The following C15orf39 variants were observed in gnomAD, a reference collection of about 807,000 sequenced individuals.
C15orf39 encodes the protein PRMT2 interacting protein, also known as uncharacterized protein C15orf39.
C15orf39 carries 24 observed loss-of-function variants against 53.9 expected under a neutral mutation model. That is an observed-to-expected ratio of 0.45 (90% CI 0.32 to 0.63). The LOEUF is 0.63. Ranked by LOEUF, C15orf39 falls within the 20% of genes least tolerant of loss-of-function variation. C15orf39 has a pLI of 0.04. For synonymous variants in C15orf39, 569 were observed against 576.5 expected (o/e 0.99, Z 0.19); for missense variants, 1,271 against 1,347.9 (o/e 0.94, Z 0.89).
chr15:75,201,543 A>AGGAGC (rs1433836123), upstream of C15orf39, among the ~76,000 whole-genome samples: 1 of 152,258 alleles, frequency 6.6e-6, no homozygotes, highest in East Asian at 1.9e-4. This position sits in a 1 kb window ranked among gnomAD's most constrained non-coding sequence, Gnocchi z 4.7. Flanking sequence ...CACCGCTATG[A>AGGAGC]GGAAGACAGA....
In C15orf39 at chr15:75,208,380, A is replaced by G. The variant is rs1336856188; in HGVS notation, c.2332A>G (p.Ile778Val). 2.5e-6 allele frequency: 4 copies of G among 1,599,660 alleles called. No individual in the cohort carries two copies. Among genetic ancestry groups the G allele is most frequent in the Admixed American group, 3.4e-5 (2 of 58,020 alleles). The change falls in exon 2 of 3, where the codon ATT (isoleucine) becomes GTT (valine). Residue 778 changes from isoleucine to valine, a missense_variant. By Grantham distance (29) the Ile-to-Val change is conservative. Around this residue, in one of 2 missense-constraint regions of C15orf39, gnomAD observed 994 missense variants for 993.7 expected, o/e 1.00. Coordinates refer to ENST00000394987, the MANE Select transcript of C15orf39 (RefSeq NM_015492.5). ...TGLHASLCDA[I>V]SGSVAHSPPE... ...ACTACATGCGTCCCTGTGTGATGCT[A>G]TTTCTGGCTCCGTCGCCCACTCTCC...
At position 75,207,267 on chromosome 15, in the gene C15orf39, G is replaced by T; in HGVS notation, c.1219G>T (p.Val407Leu). Residue 407 changes from valine (V) to leucine (L), a missense_variant, in exon 2 of 3, where the codon GTG (valine) becomes TTG (leucine). By Grantham distance (32) the Val-to-Leu change is conservative. Coordinates refer to ENST00000394987, the MANE Select transcript of C15orf39 (RefSeq NM_015492.5). Reference sequence around the variant, plus strand: ...ACCTTCCCAGAACAATGTGCGGGCTGTGCCACAGCCTGGTGCCTTCCAGAG... The same window carrying T: ...ACCTTCCCAGAACAATGTGCGGGCTTTGCCACAGCCTGGTGCCTTCCAGAG... ...TPPSQNNVRA[V>L]PQPGAFQRAC... 6.2e-7 allele frequency: 1 copy of T among 1,613,544 alleles called. No homozygotes were observed. Among genetic ancestry groups the T allele is most frequent in the African/African-American group, 1.3e-5 (1 of 75,004 alleles).
At chr15:75,199,330 T>C (rs991557506), upstream of C15orf39, among the ~76,000 whole-genome samples, 1 of 151,856 alleles carries the variant, frequency 6.6e-6, no homozygotes, top group African/African-American at 2.4e-5. Flanking sequence ...AATGAGGAAA[T>C]AGAGGGCAGA....
chr15:75,209,147 G>T, intron 2 of C15orf39: 1 of 344,356 alleles, frequency 2.9e-6, no homozygotes, highest in Non-Finnish European at 5.4e-6. Context: ...AGTGTTTCCG[G>T]CACTCTGGTT....
intron 1 of C15orf39, among the ~76,000 whole-genome samples, chr15:75,205,545 C>T (rs2070431398): frequency 6.6e-6 from 1 of 152,042 alleles, no homozygotes; most frequent in African/African-American, 2.4e-5. Context: ...GGGTCAGGAG[C>T]AGTAGGTGGT....
rs2070454017 is a variant in C15orf39 at position 75,208,038 on chromosome 15, G to A, written c.1990G>A (p.Ala664Thr). 1 of 1,614,068 alleles carries A rather than the reference G, an allele frequency of 6.2e-7. No homozygotes were observed. Among genetic ancestry groups the A allele is most frequent in the Admixed American group, 1.7e-5 (1 of 60,034 alleles). ...FKILRPAPLP[A>T]AVVPSTPTSA... ...GATCCTCCGTCCGGCACCTTTGCCT[G>A]CAGCCGTGGTCCCGTCCACGCCCAC... Residue 664 changes from alanine (A) to threonine (T), a missense_variant, in exon 2 of 3, where the codon GCA (alanine) becomes ACA (threonine). Around this residue, in one of 2 missense-constraint regions of C15orf39, gnomAD observed 994 missense variants for 993.7 expected, o/e 1.00. Transcript: ENST00000394987.
chr15:75,207,078 C>A lies in C15orf39; in HGVS notation c.1030C>A (p.Pro344Thr), dbSNP rs1188814881. 3.7e-6 allele frequency: 6 copies of A among 1,612,148 alleles called. No individual in the cohort carries two copies. In the East Asian group the frequency reaches 1.3e-4, roughly 36 times the overall value. The change falls in exon 2 of 3, where the codon CCC becomes ACC. Residue 344 changes from proline (P) to threonine (T), a missense_variant. Coordinates refer to ENST00000394987, the MANE Select transcript of C15orf39 (RefSeq NM_015492.5). ...YIPPLGLDAY[P>T]YPSAPLPAPS... is the part of the protein sequence containing the mutation. ...TCCCCCACTGGGGCTGGACGCTTAC[C>A]CCTACCCCTCTGCCCCTCTCCCAGC... is the stretch of plus-strand genomic sequence containing the variant.
In C15orf39 at chr15:75,207,427, C is replaced by T. The variant is rs553765076; in HGVS notation, c.1379C>T (p.Pro460Leu). Residue 460 changes from proline to leucine, a missense_variant, in exon 2 of 3, where the codon CCG becomes CTG. Physicochemically the swap from Pro to Leu is moderately conservative, Grantham distance 98. Transcript: ENST00000394987. ...CCCCGGCTCAGTGAGCACTCTGGGC[C>T]GCCCATCGTCATCCGAGACAGTCCA... Reference protein sequence around the residue: ...LQPRLSEHSGPPIVIRDSPVP... With the variant: ...LQPRLSEHSGLPIVIRDSPVP... The T allele has an allele frequency of 5.2e-5, 84 of 1,613,476 alleles. 1 individual carries two copies. The highest frequency in any genetic ancestry group is 4.9e-4 in the South Asian group (45 of 91,076).
intron 1 of C15orf39, among the ~76,000 whole-genome samples, chr15:75,205,107 TG>T (rs1467481575): frequency 6.6e-6 from 1 of 152,190 alleles, no homozygotes; most frequent in Non-Finnish European, 1.5e-5. Context: ...CCTAGGGACC[TG>T]GGCTGGAGGC....
Position 75,206,139 on chromosome 15 carries a change from C to T in C15orf39, c.91C>T (p.Leu31=). 1 of 1,613,990 alleles carries T rather than the reference C, an allele frequency of 6.2e-7. No individual in the cohort carries two copies. The highest frequency in any genetic ancestry group is 8.5e-7 in the Non-Finnish European group (1 of 1,179,966). Reference sequence around the variant, plus strand: ...GACAGACTCCGGGCTCGAGCACAGCCTGCCCCACTCTGTTGGTAACCAGGA... The same window carrying T: ...GACAGACTCCGGGCTCGAGCACAGCTTGCCCCACTCTGTTGGTAACCAGGA... ...LETDSGLEHS[L]PHSVGNQDPC... Residue 31 remains leucine (L), a synonymous_variant, in exon 2 of 3, where the codon CTG becomes TTG. Coordinates refer to ENST00000394987, the MANE Select transcript of C15orf39 (RefSeq NM_015492.5).
rs1325308986 is a variant in C15orf39, at chr15:75,208,841, C to T, written c.2776+17C>T. On this transcript the variant is annotated intron_variant, in intron 2 of 2. Coordinates refer to ENST00000394987, the MANE Select transcript of C15orf39 (RefSeq NM_015492.5). ...GCCAGCTGGGTGAGCATGGGGCAGC[C>T]CCAGTGGCCACCGGAGCTGTGTGAG... 3 of 1,573,162 alleles carry T rather than the reference C, an allele frequency of 1.9e-6. No homozygotes were observed. Among genetic ancestry groups the T allele is most frequent in the East Asian group, 2.2e-5 (1 of 44,446 alleles).
chr15:75,199,732 G>C (rs577914102), upstream of C15orf39, among the ~76,000 whole-genome samples: 2 of 152,262 alleles, frequency 1.3e-5, no homozygotes, highest in African/African-American at 2.4e-5. Flanking sequence ...GTAGTGGTAG[G>C]GGTGGGGTGG....
At chr15:75,203,164 C>G (rs921377693) in intron 1 of C15orf39, among the ~76,000 whole-genome samples, 13 of 152,246 alleles carry the variant, frequency 8.5e-5, no homozygotes, top group Admixed American at 3.9e-4. Context: ...CGCTCTTCTT[C>G]CTGGTCTTTG....
chr15:75,200,618 C>G (rs1210532768), upstream of C15orf39, among the ~76,000 whole-genome samples: 1 of 152,140 alleles, frequency 6.6e-6, no homozygotes, highest in East Asian at 1.9e-4. Flanking sequence ...CCTAGCTGTC[C>G]GCGCGCAGAT....
At position 75,208,208 on chromosome 15, in the gene C15orf39, C is replaced by A. The variant is rs767973543; in HGVS notation, c.2160C>A (p.Ala720=). Residue 720 remains alanine (A), a synonymous_variant, in exon 2 of 3, where the codon GCC becomes GCA. Transcript: ENST00000394987. ...CAGCCGTAGCTGTGGCCTCCCCTGC[C>A]CCTGCTCCAGCTCCATCCCCTGCTC... ...SPPAVAVASP[A]PAPAPSPAPA... 63 of 1,613,622 alleles carry A rather than the reference C, an allele frequency of 3.9e-5. No homozygotes were observed. In the Middle Eastern group the frequency reaches 1.2e-3, roughly 29 times the overall value.
intron 2 of C15orf39, chr15:75,209,050 TC>T: frequency 1.4e-6 from 1 of 716,186 alleles, no homozygotes; most frequent in Non-Finnish European, 2.1e-6. Context: ...AGCTGCTCTG[TC>T]CCCATGGAAA....
rs146997873 is a variant in C15orf39 at position 75,210,992 on chromosome 15, G to A, written c.3020G>A (p.Arg1007His). The A allele has an allele frequency of 2.4e-4, 394 of 1,612,764 alleles. 2 individuals carry two copies. Among genetic ancestry groups the A allele is most frequent in the South Asian group, 9.9e-5 (9 of 91,084 alleles). Residue 1007 changes from arginine to histidine, a missense_variant, in exon 3 of 3, where the codon CGC becomes CAC. Arg to His is a conservative substitution (Grantham distance 29). Transcript: ENST00000394987. ...GGCCCCACACTGAAGGCCCGCTTCC[G>A]CAGTCTGCTGGAGACCGCCTGGCTC... ...PPGPTLKARF[R>H]SLLETAWLNG... is the part of the protein sequence containing the mutation.
chr15:75,207,488 C>G lies in C15orf39; in HGVS notation c.1440C>G (p.Ala480=). 1 of 1,613,632 alleles carries G rather than the reference C, an allele frequency of 6.2e-7. No individual in the cohort carries two copies. Among genetic ancestry groups the G allele is most frequent in the Non-Finnish European group, 8.5e-7 (1 of 1,179,988 alleles). ...PCTPPALPPC[A]RECQSLPQKE... ...CCCCCCCAGCACTGCCCCCCTGTGC[C>G]CGGGAGTGCCAGTCTCTTCCACAGA... Residue 480 remains alanine, a synonymous_variant, in exon 2 of 3, where the codon GCC becomes GCG. Coordinates refer to ENST00000394987, the MANE Select transcript of C15orf39 (RefSeq NM_015492.5).
chr15:75,205,895 C>G, intron 1 of C15orf39, 104 bp from the exon 2 acceptor site: 1 of 753,104 alleles, frequency 1.3e-6, no homozygotes, highest in Non-Finnish European at 2.1e-6. Context: ...ATTTAAGCGC[C>G]AGGTTCTTAG....
Sources: allele counts gnomAD v4.1 joint callset (sites outside exome capture counted in the v4.1 genomes callset), GRCh38; gene constraint gnomAD v4.1.1; regional missense constraint gnomAD v4.1.1; non-coding constraint Gnocchi (gnomAD v3.1); transcripts MANE v1.5; gene names NCBI Gene and HGNC (gene_info 2026-07-23, HGNC 2026-07-21).